Variants in GPN1 observed in about 807,000 individuals in gnomAD.
GPN1 encodes the protein ATP(GTP)-binding protein.
GPN1 carries 44 observed loss-of-function variants against 55.9 expected under a neutral mutation model. That is an observed-to-expected ratio of 0.79 (90% CI 0.62 to 1.01). The LOEUF (loss-of-function observed/expected upper bound fraction) is 1.01, where lower values mean the gene tolerates loss of function less well. Among genes scored for constraint, GPN1 ranks in the 50% least tolerant of loss-of-function variants. The pLI, the probability that GPN1 is intolerant of heterozygous loss-of-function variation, is 0.00. For missense variants in GPN1, 466 were observed against 462.8 expected (o/e 1.01, Z -0.06); for synonymous variants, 179 against 162.5 (o/e 1.10, Z -0.77).
chr2:27,643,272 A>G lies in GPN1; in HGVS notation c.931+753A>G, dbSNP rs77350364. 0.23 allele frequency among the ~76,000 whole-genome samples: 34,684 copies of G among 151,206 alleles called. 4,836 individuals carry two copies. Among genetic ancestry groups the G allele is most frequent in the East Asian group, 0.57 (2,965 of 5,158 alleles). On this transcript the variant is annotated intron_variant, in intron 12 of 13. Coordinates refer to ENST00000610189, the MANE Select transcript of GPN1 (RefSeq NM_007266.4). This position sits in a 1 kb window ranked among gnomAD's most constrained non-coding sequence, Gnocchi z 4.0. ...ATGAATAATACAAATAATTGCCATA[A>G]TTATTCTATCAGATTCCCAAAATGT...
At chr2:27,648,510 C>A (rs936522597) in intron 13 of GPN1, among the ~76,000 whole-genome samples, 1 of 152,112 alleles carries the variant, frequency 6.6e-6, no homozygotes, top group African/African-American at 2.4e-5. Flanking sequence ...CAGAGTAAGA[C>A]CATCTCAAAA....
intron 7 of GPN1, among the ~76,000 whole-genome samples, chr2:27,636,442 A>C (rs1673733921): frequency 6.6e-6 from 1 of 152,216 alleles, no homozygotes; most frequent in African/African-American, 2.4e-5. Flanking sequence ...TCCAAATAGA[A>C]ATCTGAAGAT....
chr2:27,651,014 A>C lies in GPN1; in HGVS notation c.*814A>C, dbSNP rs1674512175. 6.6e-6 allele frequency: 1 copy of C among 152,416 alleles called. No homozygotes were observed. The highest frequency in any genetic ancestry group is 2.4e-5 in the African/African-American group (1 of 41,468). 9.4% of individuals were successfully genotyped at this position (152,416 alleles called of 1,614,324 possible). On this transcript the variant is annotated 3_prime_UTR_variant, in exon 14 of 14. Coordinates refer to ENST00000610189, the MANE Select transcript of GPN1 (RefSeq NM_007266.4). Reference sequence around the variant, plus strand: ...CCACGTGCACATACTGACTAAATACAGAGCTAGGCCCAGTTTGTATTGTAC... The same window carrying C: ...CCACGTGCACATACTGACTAAATACCGAGCTAGGCCCAGTTTGTATTGTAC...
At chr2:27,644,358 G>T (rs1317020825) in intron 12 of GPN1, among the ~76,000 whole-genome samples, 2 of 152,112 alleles carry the variant, frequency 1.3e-5, no homozygotes, top group East Asian at 3.9e-4. Context: ...ATTATATGTT[G>T]CAAATGTTTA....
Position 27,637,041 on chromosome 2 carries a change from G to A in GPN1, c.525-1169G>A, listed in dbSNP as rs6729797. Among the ~76,000 whole-genome samples, 1,068 of 151,912 alleles carry A rather than the reference G, an allele frequency of 7.0e-3. 11 individuals carry two copies. Among genetic ancestry groups the A allele is most frequent in the African/African-American group, 0.024 (976 of 41,410 alleles). ...CTTGAACAATTTGGGGGTTAGAGGC[G>A]CCAACCCCTGCAGAGACCAGCCGGG... On this transcript the variant is annotated intron_variant, in intron 7 of 13. Coordinates refer to ENST00000610189, the MANE Select transcript of GPN1 (RefSeq NM_007266.4).
upstream of GPN1, chr2:27,628,719 G>A: frequency 1.3e-6 from 2 of 1,551,386 alleles, no homozygotes; most frequent in Non-Finnish European, 1.7e-6. Flanking sequence ...TGACAGGCAT[G>A]CTCCTCGTTT....
chr2:27,648,007 A>G, intron 13 of GPN1, 64 bp downstream of exon 13: 1 of 919,742 alleles, frequency 1.1e-6, no homozygotes, highest in South Asian at 1.3e-5. Context: ...TTGTTTGCCC[A>G]GGAGTTTCTT....
chr2:27,646,914 CAGTCCTTT>C (rs558506240), intron 12 of GPN1, among the ~76,000 whole-genome samples: 208 of 152,314 alleles, frequency 1.4e-3, no homozygotes, highest in South Asian at 7.5e-3. Flanking sequence ...CTATGTGCCA[CAGTCCTTT>C]AGAATCACTT....
chr2:27,642,288 C>T (rs975036322), intron 11 of GPN1, 141 bp from the exon 12 acceptor site: 1 of 620,438 alleles, frequency 1.6e-6, no homozygotes, highest in Non-Finnish European at 2.9e-6. Context: ...GTGTTTCTGT[C>T]CCTATACCAG....
rs756513042 is a variant in GPN1, at chr2:27,629,073, A to C, written c.15A>C (p.Ala5=). Residue 5 remains alanine, a synonymous_variant, in exon 1 of 14, where the codon GCA becomes GCC. Coordinates refer to ENST00000610189, the MANE Select transcript of GPN1 (RefSeq NM_007266.4). MAAS[A]AAAELQASGG... ...CCAGGAGGAAGATGGCGGCGTCCGC[A>C]GCTGCCGCTGAGCTCCAGGCTTCTG... 31 of 1,614,050 alleles carry C rather than the reference A, an allele frequency of 1.9e-5. No individual in the cohort carries two copies. The highest frequency in any genetic ancestry group is 2.4e-5 in the Non-Finnish European group (28 of 1,180,036).
intron 12 of GPN1, among the ~76,000 whole-genome samples, chr2:27,645,811 C>T (rs1179567651): frequency 5.3e-5 from 8 of 152,042 alleles, no homozygotes; most frequent in Admixed American, 5.2e-4. Flanking sequence ...CTCACTGCAG[C>T]CTCTGCCTCC....
At chr2:27,646,790 G>T (rs917802816) in intron 12 of GPN1, among the ~76,000 whole-genome samples, 1 of 151,768 alleles carries the variant, frequency 6.6e-6, no homozygotes, top group Non-Finnish European at 1.5e-5. Flanking sequence ...TTCTGTTCAT[G>T]AAAGTTATTG....
chr2:27,641,645 G>A (rs929678292), intron 11 of GPN1, among the ~76,000 whole-genome samples: 1 of 152,194 alleles, frequency 6.6e-6, no homozygotes, highest in Admixed American at 6.5e-5. Context: ...CCATGCCAGA[G>A]TGCAGTGGCA....
intron 10 of GPN1, 39 bp from the exon 11 acceptor site, chr2:27,641,201 G>A (rs1422038362): frequency 6.8e-7 from 1 of 1,460,310 alleles, no homozygotes; most frequent in South Asian, 1.1e-5. Flanking sequence ...TAGGATAGAG[G>A]ATTAAGCAAA....
intron 1 of GPN1, chr2:27,629,524 C>G: frequency 1.1e-6 from 1 of 897,154 alleles, no homozygotes; most frequent in Non-Finnish European, 1.8e-6. Context: ...TTCTTGCACG[C>G]CTGTCATGTT....
At chr2:27,628,632 A>C (rs755442045), upstream of GPN1, 4 of 1,551,420 alleles carry the variant, frequency 2.6e-6, no homozygotes, top group South Asian at 4.8e-5. Flanking sequence ...TGAACTGTTT[A>C]ACCGCCTCGG....
At chr2:27,633,880 A>T (rs1006335062) in intron 5 of GPN1, among the ~76,000 whole-genome samples, 14 of 151,950 alleles carry the variant, frequency 9.2e-5, no homozygotes, top group African/African-American at 3.4e-4. Flanking sequence ...CTGTCCACAG[A>T]GTCGTGTGTT....
chr2:27,644,407 C>T (rs6712133), intron 12 of GPN1, among the ~76,000 whole-genome samples: 8,737 of 152,056 alleles, frequency 0.057, 692 homozygotes, highest in African/African-American at 0.18. Context: ...ACTTTGTTCA[C>T]GGTGTTATTT....
Position 27,650,099 on chromosome 2 carries a change from C to G in GPN1, c.1040-16C>G. The stretch of plus-strand genomic sequence containing the variant: ...AATGAAAGAGTTGAAAAAGAATTGC[C>G]CTTTTTTCCTTGCAGTTACAGAGGA... On this transcript the variant is annotated splice_polypyrimidine_tract_variant and intron_variant, in intron 13 of 13. Coordinates refer to ENST00000610189, the MANE Select transcript of GPN1 (RefSeq NM_007266.4). 2 of 1,456,338 alleles carry G rather than the reference C, an allele frequency of 1.4e-6. No homozygotes were observed. The highest frequency in any genetic ancestry group is 4.5e-5 in the East Asian group (2 of 44,096). The allele number at this position is 1,456,338 out of a possible 1,614,324, so 90.2% of individuals were successfully genotyped here.
Sources: allele counts gnomAD v4.1 joint callset (sites outside exome capture counted in the v4.1 genomes callset), GRCh38; gene constraint gnomAD v4.1.1; non-coding constraint Gnocchi (gnomAD v3.1); transcripts MANE v1.5; gene names NCBI Gene and HGNC (gene_info 2026-07-23, HGNC 2026-07-21).